The following ANO3 variants were observed in gnomAD, a reference collection of about 807,000 sequenced individuals.
ANO3 encodes the protein anoctamin 3, also known as anoctamin-3.
A neutral mutation model predicts 144.8 loss-of-function variants in ANO3; 99 were observed. The observed-to-expected ratio is 0.68, with a 90% CI of 0.58 to 0.81. The LOEUF is 0.81. Ranked by LOEUF, ANO3 falls within the 30% of genes least tolerant of loss-of-function variation. The pLI is 0.00. For synonymous variants in ANO3, 414 were observed against 392.6 expected (o/e 1.05, Z -0.64); for missense variants, 905 against 1,202.2 (o/e 0.75, Z 3.66).
intron 15 of ANO3, 85 bp downstream of exon 15, chr11:26,598,532 C>A (rs1851704226): frequency 1.1e-6 from 1 of 920,462 alleles, no homozygotes; most frequent in Non-Finnish European, 1.7e-6. Flanking sequence ...CGGCTGGAAG[C>A]AGTTAACCAC....
At chr11:26,574,695 G>A (rs1042240485) in intron 14 of ANO3, among the ~76,000 whole-genome samples, 1 of 152,028 alleles carries the variant, frequency 6.6e-6, no homozygotes, top group African/African-American at 2.4e-5. Flanking sequence ...TAGAAATAGA[G>A]GGATTATTCT....
At chr11:26,632,544 AAT>A (rs914463052) in intron 18 of ANO3, among the ~76,000 whole-genome samples, 5 of 147,070 alleles carry the variant, frequency 3.4e-5, no homozygotes, top group Non-Finnish European at 7.5e-5. Flanking sequence ...ATATATATAA[AAT>A]ATATATAATA....
intron 1 of ANO3, among the ~76,000 whole-genome samples, chr11:26,392,079 G>A (rs192587738): frequency 6.6e-6 from 1 of 152,098 alleles, no homozygotes; most frequent in African/African-American, 2.4e-5. Context: ...TCTCTGAGGG[G>A]AGAGAGACAC....
At chr11:26,607,038 G>C (rs1052846785) in intron 17 of ANO3, among the ~76,000 whole-genome samples, 3 of 152,044 alleles carry the variant, frequency 2.0e-5, no homozygotes, top group African/African-American at 7.2e-5. Context: ...AGTATAGTTT[G>C]ACTGGATATG....
At chr11:26,597,181 C>T (rs1405723368) in intron 14 of ANO3, among the ~76,000 whole-genome samples, 1 of 152,110 alleles carries the variant, frequency 6.6e-6, no homozygotes, top group Non-Finnish European at 1.5e-5. Context: ...TCTTAGAGTT[C>T]CCAAGATGGT....
At chr11:26,309,577 T>G, upstream of ANO3, 1 of 768,316 alleles carries the variant, frequency 1.3e-6, no homozygotes, top group Non-Finnish European at 1.6e-6. Flanking sequence ...ATGATAATTT[T>G]CTACTCTCTT....
intron 1 of ANO3, among the ~76,000 whole-genome samples, chr11:26,341,336 G>A (rs2133900363): frequency 6.6e-6 from 1 of 152,208 alleles, no homozygotes; most frequent in African/African-American, 2.4e-5. Context: ...TTGTAGGAAA[G>A]GCAATGTGTG....
At chr11:26,243,774 A>G (rs1852717028) in intron 1 of ANO3, among the ~76,000 whole-genome samples, 1 of 152,156 alleles carries the variant, frequency 6.6e-6, no homozygotes, top group Admixed American at 6.6e-5. Context: ...ATATCTGGCC[A>G]CATTCCAGAG....
intron 1 of ANO3, among the ~76,000 whole-genome samples, chr11:26,293,960 C>T (rs1033586409): frequency 6.6e-6 from 1 of 152,008 alleles, no homozygotes; most frequent in East Asian, 1.9e-4. Flanking sequence ...AGTTTTGTCG[C>T]TTTTTTGCAT....
intron 4 of ANO3, among the ~76,000 whole-genome samples, chr11:26,465,353 G>A (rs1021831506): frequency 6.6e-6 from 1 of 151,652 alleles, no homozygotes; most frequent in Admixed American, 6.6e-5. Context: ...GTGCCTTATA[G>A]CATCATATGT....
intron 14 of ANO3, among the ~76,000 whole-genome samples, chr11:26,580,408 T>C (rs2132855648): frequency 6.6e-6 from 1 of 152,326 alleles, no homozygotes; most frequent in South Asian, 2.1e-4. Flanking sequence ...GTTGTGAATT[T>C]GGCAAAATCT....
intron 1 of ANO3, among the ~76,000 whole-genome samples, chr11:26,282,421 G>A (rs1038699888): frequency 9.2e-5 from 14 of 151,890 alleles, no homozygotes; most frequent in African/African-American, 3.1e-4. Flanking sequence ...AAAATTAGAT[G>A]AAGTCATAGC....
chr11:26,199,231 A>T (rs1851646474), intron 1 of ANO3, among the ~76,000 whole-genome samples: 1 of 151,796 alleles, frequency 6.6e-6, no homozygotes, highest in African/African-American at 2.4e-5. Context: ...AAGGTTCCTG[A>T]CTCCATATCC....
intron 1 of ANO3, among the ~76,000 whole-genome samples, chr11:26,263,560 C>G (rs1590222515): frequency 6.6e-6 from 1 of 152,328 alleles, no homozygotes; most frequent in African/African-American, 2.4e-5. Context: ...TTTTCCACAG[C>G]CTCAGTATTC....
intron 1 of ANO3, among the ~76,000 whole-genome samples, chr11:26,336,242 C>T (rs1189902076): frequency 2.0e-5 from 3 of 152,164 alleles, no homozygotes; most frequent in African/African-American, 4.8e-5. Context: ...ATAGTTTTGG[C>T]TTCTGGTGGC....
chr11:26,660,445 T>A lies in ANO3; in HGVS notation c.*1T>A, dbSNP rs201902353. 6.2e-7 allele frequency: 1 copy of A among 1,610,480 alleles called. No individual in the cohort carries two copies. The highest frequency in any genetic ancestry group is 8.5e-7 in the Non-Finnish European group (1 of 1,178,466). On this transcript the variant is annotated 3_prime_UTR_variant, in exon 27 of 27. Transcript: ENST00000256737. ...GCCTGTTCACCATGAATGGCCTTAG[T>A]TGACACCTGTTACCCATTAGGGGTG...
At chr11:26,330,264 G>A (rs1031473890), upstream of ANO3, among the ~76,000 whole-genome samples, 1 of 152,008 alleles carries the variant, frequency 6.6e-6, no homozygotes, top group African/African-American at 2.4e-5. Flanking sequence ...TTTAACTCTG[G>A]ATGAACAAAA....
chr11:26,528,633 T>A (rs1849226483), intron 7 of ANO3, among the ~76,000 whole-genome samples: 1 of 152,138 alleles, frequency 6.6e-6, no homozygotes, highest in Non-Finnish European at 1.5e-5. Flanking sequence ...GGAGAACAAA[T>A]GGAATTACTC....
At chr11:26,189,269 G>C in exon 1 of ANO3, 1 of 985,318 alleles carries the variant, frequency 1.0e-6, no homozygotes, top group African/African-American at 1.7e-5. Context: ...TACCCTGTTT[G>C]ACTGAACTCT....
Sources: allele counts gnomAD v4.1 joint callset (sites outside exome capture counted in the v4.1 genomes callset), GRCh38; gene constraint gnomAD v4.1.1; transcripts MANE v1.5; gene names NCBI Gene and HGNC (gene_info 2026-07-23, HGNC 2026-07-21).